Variants in TBC1D1 observed in about 807,000 individuals in gnomAD.
TBC1D1 encodes the protein TBC1 domain family member 1.
In TBC1D1, 89 loss-of-function variants were observed where a neutral mutation model predicts 125.6. The ratio of observed to expected loss-of-function variants is 0.71; its 90% CI spans 0.60 to 0.85. The LOEUF (loss-of-function observed/expected upper bound fraction) is 0.85. TBC1D1 is among the 40% of genes least tolerant of loss of function. TBC1D1 has a pLI of 0.00. For missense variants in TBC1D1, 1,377 were observed against 1,469.2 expected, an observed-to-expected ratio of 0.94 and a Z score of 1.03; for synonymous variants, 565 against 564.1, an observed-to-expected ratio of 1.00 and a Z score of -0.02.
intron 19 of TBC1D1, among the ~76,000 whole-genome samples, chr4:38,134,397 ACTT>A (rs1161172190): frequency 1.2e-5 from 1 of 83,924 alleles, no homozygotes; most frequent in Non-Finnish European, 2.4e-5. Flanking sequence ...CTGAAATTTA[ACTT>A]CTTTTTTTCC....
intron 11 of TBC1D1, among the ~76,000 whole-genome samples, chr4:38,052,724 GCGCGCACA>G (rs1404011381): frequency 0.026 from 1,552 of 59,960 alleles, 20 homozygotes; most frequent in African/African-American, 0.067. Context: ...GCGCGCGCGC[GCGCGCACA>G]CACACACACA....
At chr4:37,937,174 T>G (rs915863928) in intron 2 of TBC1D1, among the ~76,000 whole-genome samples, 1 of 152,224 alleles carries the variant, frequency 6.6e-6, no homozygotes, top group African/African-American at 2.4e-5. Context: ...ACTGACCCTG[T>G]GACTTGACAT....
At chr4:37,942,309 G>A (rs541908228) in intron 2 of TBC1D1, among the ~76,000 whole-genome samples, 1 of 152,096 alleles carries the variant, frequency 6.6e-6, no homozygotes, top group South Asian at 2.1e-4. Flanking sequence ...ATCTTTGTTG[G>A]TTTAAAGTCT....
At chr4:38,049,520 A>G in intron 10 of TBC1D1, 98 bp from the exon 11 acceptor site, 1 of 1,392,804 alleles carries the variant, frequency 7.2e-7, no homozygotes, top group Non-Finnish European at 9.8e-7. Flanking sequence ...CAGAACACAT[A>G]CTTAGATACT....
chr4:37,929,652 A>G (rs1722847875), intron 2 of TBC1D1, among the ~76,000 whole-genome samples: 1 of 152,238 alleles, frequency 6.6e-6, no homozygotes, highest in South Asian at 2.1e-4. Flanking sequence ...GCAGGAGATA[A>G]CATCCTTGGC....
At chr4:37,952,452 A>G (rs968552394) in intron 2 of TBC1D1, 13 of 187,894 alleles carry the variant, frequency 6.9e-5, no homozygotes, top group African/African-American at 3.1e-4. Flanking sequence ...GCAGCCATAA[A>G]AAGAAACGAG....
intron 2 of TBC1D1, chr4:37,960,563 A>G (rs1450804889): frequency 6.2e-7 from 1 of 1,614,192 alleles, no homozygotes; most frequent in South Asian, 1.1e-5. Flanking sequence ...AAGTTTTAAC[A>G]CGACGTTTTG....
chr4:38,015,057 A>G (rs1204610231), intron 3 of TBC1D1, 84 bp downstream of exon 3: 1 of 1,146,272 alleles, frequency 8.7e-7, no homozygotes. Context: ...GAAGATTCTT[A>G]GTCAATTGCT....
intron 12 of TBC1D1, among the ~76,000 whole-genome samples, chr4:38,059,922 A>G (rs904217127): frequency 2.6e-5 from 4 of 151,844 alleles, no homozygotes; most frequent in Non-Finnish European, 4.4e-5. Flanking sequence ...TCCCTTTCCT[A>G]TGTCCATGTG....
chr4:37,929,844 A>G (rs958037203), intron 2 of TBC1D1, among the ~76,000 whole-genome samples: 1 of 152,200 alleles, frequency 6.6e-6, no homozygotes, highest in Non-Finnish European at 1.5e-5. Flanking sequence ...TGGTCAGGGG[A>G]TGCTAAAGCC....
intron 19 of TBC1D1, among the ~76,000 whole-genome samples, chr4:38,135,912 G>A (rs528080639): frequency 1.1e-3 from 118 of 109,924 alleles, no homozygotes; most frequent in African/African-American, 3.6e-3. Flanking sequence ...GTATATATAC[G>A]TGTGTGTGTA....
At chr4:37,963,395 G>T (rs1286792412) in intron 2 of TBC1D1, among the ~76,000 whole-genome samples, 1 of 151,780 alleles carries the variant, frequency 6.6e-6, no homozygotes, top group Non-Finnish European at 1.5e-5. Flanking sequence ...GAGTTGAGGT[G>T]GGGGGTGAGG....
At chr4:37,990,900 T>C (rs1736402741) in intron 2 of TBC1D1, among the ~76,000 whole-genome samples, 1 of 152,188 alleles carries the variant, frequency 6.6e-6, no homozygotes, top group Admixed American at 6.5e-5. Flanking sequence ...ACTACACTAT[T>C]TGGGGGAGTA....
At chr4:37,910,478 A>G (rs2925954) in intron 2 of TBC1D1, among the ~76,000 whole-genome samples, 28,710 of 152,208 alleles carry the variant, frequency 0.19, 3,188 homozygotes, top group African/African-American at 0.3. Flanking sequence ...TATTGGGTTA[A>G]ATAAATTACA....
intron 1 of TBC1D1, among the ~76,000 whole-genome samples, chr4:37,899,955 C>G (rs963043678): frequency 2.7e-4 from 41 of 151,304 alleles, no homozygotes; most frequent in African/African-American, 1.0e-3. Flanking sequence ...CCCGTCTGTA[C>G]TAAAGATACA....
Position 38,089,928 on chromosome 4 carries a change from C to T in TBC1D1, c.2051-4C>T. 1 of 1,559,562 alleles carries T rather than the reference C, an allele frequency of 6.4e-7. No homozygotes were observed. The highest frequency in any genetic ancestry group is 8.7e-7 in the Non-Finnish European group (1 of 1,155,738). ...CAATTCTGGAATGCCGTCTCCCTTTCCAGATTATTCAGAGCTGGGAGAGCT... is the reference window on the plus strand; with the variant it reads ...CAATTCTGGAATGCCGTCTCCCTTTTCAGATTATTCAGAGCTGGGAGAGCT... On this transcript the variant is annotated splice_polypyrimidine_tract_variant and splice_region_variant and intron_variant, in intron 12 of 19. Transcript: ENST00000261439.
chr4:38,118,515 C>A, intron 17 of TBC1D1: 1 of 236,960 alleles, frequency 4.2e-6, no homozygotes, highest in Non-Finnish European at 8.1e-6. Context: ...GTATGTTTCT[C>A]ATGAATTGCC....
chr4:38,043,644 G>C (rs962344230), intron 8 of TBC1D1, among the ~76,000 whole-genome samples: 1 of 151,518 alleles, frequency 6.6e-6, no homozygotes, highest in Admixed American at 6.6e-5. Context: ...ACTTCATTTA[G>C]TGGTTGTCAA....
chr4:37,896,912 G>A (rs1714758481), intron 1 of TBC1D1, among the ~76,000 whole-genome samples: 1 of 152,174 alleles, frequency 6.6e-6, no homozygotes, highest in African/African-American at 2.4e-5. Flanking sequence ...TCTAATAAAG[G>A]ACATCTTTGT....
Sources: gnomAD v4.1 joint callset for allele counts (sites outside exome capture counted in the v4.1 genomes callset) on GRCh38, gnomAD v4.1.1 for gene constraint, MANE v1.5 for transcripts, NCBI Gene and HGNC (gene_info 2026-07-23, HGNC 2026-07-21) for gene names.